Variants in FSTL5 observed in about 807,000 individuals in gnomAD.
The protein encoded by FSTL5 is follistatin like 5, also known as follistatin-related protein 5.
FSTL5 carries 62 observed loss-of-function variants against 89.1 expected under a neutral mutation model. The ratio of observed to expected loss-of-function variants is 0.70; its 90% CI spans 0.57 to 0.86. The LOEUF (loss-of-function observed/expected upper bound fraction) is 0.86. Ranked by LOEUF, FSTL5 falls within the 40% of genes least tolerant of loss-of-function variation. FSTL5 has a pLI of 0.00. For missense variants in FSTL5, 1,057 were observed against 1,001.6 expected (o/e 1.06, Z -0.75); for synonymous variants, 383 against 346.2 (o/e 1.11, Z -1.18).
Position 161,941,737 on chromosome 4 carries a change from A to T in FSTL5, c.161-21085T>A, listed in dbSNP as rs577760456. On this transcript the variant is annotated intron_variant, in intron 3 of 15. Coordinates refer to ENST00000306100, the MANE Select transcript of FSTL5 (RefSeq NM_020116.5). Reference sequence around the variant, plus strand: ...TTTGAATACTGGAATAAGCAACTATATAAAAAATAATTATGAAATAAAGAA... The same window carrying T: ...TTTGAATACTGGAATAAGCAACTATTTAAAAAATAATTATGAAATAAAGAA... 5.9e-5 allele frequency among the ~76,000 whole-genome samples: 9 copies of T among 152,052 alleles called. No homozygotes were observed. The Middle Eastern group carries it at 0.014, about 230-fold the overall frequency.
At chr4:161,778,021 G>A (rs1741480822) in intron 4 of FSTL5, among the ~76,000 whole-genome samples, 1 of 152,020 alleles carries the variant, frequency 6.6e-6, no homozygotes, top group South Asian at 2.1e-4. Context: ...TGGAACCCCG[G>A]AGGCAGAGGT....
At chr4:161,420,944 T>G (rs1731967947) in intron 15 of FSTL5, among the ~76,000 whole-genome samples, 1 of 151,840 alleles carries the variant, frequency 6.6e-6, no homozygotes, top group Admixed American at 6.6e-5. Context: ...GAAACAAGAT[T>G]AATATAGTTG....
intron 2 of FSTL5, among the ~76,000 whole-genome samples, chr4:162,104,305 T>C (rs1731123577): frequency 6.6e-6 from 1 of 152,100 alleles, no homozygotes; most frequent in Admixed American, 6.5e-5. Flanking sequence ...CCAACAGAGC[T>C]ATAACACTCA....
At chr4:161,501,624 G>T (rs1205091163) in intron 11 of FSTL5, among the ~76,000 whole-genome samples, 1 of 151,860 alleles carries the variant, frequency 6.6e-6, no homozygotes, top group Non-Finnish European at 1.5e-5. Flanking sequence ...TTTAATAGAT[G>T]TAATCTTTAA....
At chr4:161,867,344 C>A (rs560442881) in intron 4 of FSTL5, among the ~76,000 whole-genome samples, 1 of 151,908 alleles carries the variant, frequency 6.6e-6, no homozygotes, top group Non-Finnish European at 1.5e-5. Flanking sequence ...TTATCAGTAT[C>A]TCAAATTACT....
At chr4:161,535,705 T>A (rs1205674138) in intron 10 of FSTL5, among the ~76,000 whole-genome samples, 1 of 152,072 alleles carries the variant, frequency 6.6e-6, no homozygotes. Flanking sequence ...AAAACAGACG[T>A]TACTATTTGA....
rs539502777 is a variant in FSTL5, at chr4:162,011,788, C to T, written c.160+21837G>A. Among the ~76,000 whole-genome samples, 3 of 152,252 alleles carry T rather than the reference C, an allele frequency of 2.0e-5. No homozygotes were observed. In the South Asian group the frequency reaches 6.2e-4, roughly 32 times the overall value. ...CTGGGATTACAGATGTTAGCCACCG[C>T]GCCCGGCCATCAGTTTACTCTGTTA... On this transcript the variant is annotated intron_variant, in intron 3 of 15. Coordinates refer to ENST00000306100, the MANE Select transcript of FSTL5 (RefSeq NM_020116.5).
At chr4:161,395,766 GAAAT>G (rs1271668499) in intron 15 of FSTL5, among the ~76,000 whole-genome samples, 1 of 152,106 alleles carries the variant, frequency 6.6e-6, no homozygotes, top group Non-Finnish European at 1.5e-5. Flanking sequence ...AAAGACCAGT[GAAAT>G]AAATAGACTG....
At chr4:161,841,129 T>G (rs553124161) in intron 4 of FSTL5, among the ~76,000 whole-genome samples, 1 of 152,330 alleles carries the variant, frequency 6.6e-6, no homozygotes, top group East Asian at 1.9e-4. Context: ...GGGACCTTAC[T>G]GTTAGTAGGC....
chr4:161,716,814 A>G (rs1336563127), intron 6 of FSTL5, among the ~76,000 whole-genome samples: 1 of 152,160 alleles, frequency 6.6e-6, no homozygotes, highest in African/African-American at 2.4e-5. Context: ...TGACTAAGGT[A>G]TAATATTTGT....
intron 1 of FSTL5, among the ~76,000 whole-genome samples, chr4:162,133,659 T>C (rs183457361): frequency 6.6e-6 from 1 of 152,256 alleles, no homozygotes; most frequent in East Asian, 1.9e-4. Context: ...AGACTCTTGA[T>C]ATATATTTAA....
At chr4:161,890,418 G>A (rs946131509) in intron 4 of FSTL5, among the ~76,000 whole-genome samples, 5 of 152,022 alleles carry the variant, frequency 3.3e-5, no homozygotes, top group African/African-American at 1.2e-4. Context: ...TCTCGAGCAC[G>A]GTGGCTCACA....
At chr4:161,814,112 G>C (rs2126842837) in intron 4 of FSTL5, among the ~76,000 whole-genome samples, 1 of 152,040 alleles carries the variant, frequency 6.6e-6, no homozygotes, top group East Asian at 1.9e-4. Flanking sequence ...AAGGGGAAGA[G>C]AAAGATGGAA....
chr4:161,975,733 C>T (rs1735618051), intron 3 of FSTL5, among the ~76,000 whole-genome samples: 2 of 142,636 alleles, frequency 1.4e-5, no homozygotes, highest in South Asian at 4.3e-4. Context: ...TGCACATGTA[C>T]CCTAAAACTT....
chr4:162,162,941 A>G (rs1271291397), intron 1 of FSTL5, among the ~76,000 whole-genome samples: 1 of 152,194 alleles, frequency 6.6e-6, no homozygotes, highest in East Asian at 1.9e-4. Context: ...GACATTTGCT[A>G]GTCAACAGCA....
intron 2 of FSTL5, among the ~76,000 whole-genome samples, chr4:162,062,943 T>G (rs866550103): frequency 6.6e-6 from 1 of 151,742 alleles, no homozygotes; most frequent in Admixed American, 6.6e-5. Context: ...ATTCATGGTT[T>G]CTTGCCTTAG....
chr4:161,854,102 A>T (rs953797200), intron 4 of FSTL5, among the ~76,000 whole-genome samples: 9 of 152,156 alleles, frequency 5.9e-5, no homozygotes, highest in Non-Finnish European at 1.3e-4. Flanking sequence ...AGGCAAGTTT[A>T]CTCTGGAACT....
intron 6 of FSTL5, among the ~76,000 whole-genome samples, chr4:161,718,359 A>G (rs185520911): frequency 6.6e-6 from 1 of 152,254 alleles, no homozygotes; most frequent in African/African-American, 2.4e-5. Flanking sequence ...GCATTTTTAT[A>G]TTATTCATTA....
At chr4:161,443,444 A>C (rs1732842903) in intron 15 of FSTL5, among the ~76,000 whole-genome samples, 1 of 152,050 alleles carries the variant, frequency 6.6e-6, no homozygotes, top group South Asian at 2.1e-4. Flanking sequence ...TTATTACTCC[A>C]AAGTATGAGT....
Sources: allele counts gnomAD v4.1 joint callset (sites outside exome capture counted in the v4.1 genomes callset), GRCh38; gene constraint gnomAD v4.1.1; transcripts MANE v1.5; gene names NCBI Gene and HGNC (gene_info 2026-07-23, HGNC 2026-07-21).